The following DPYD variants were observed in gnomAD, a reference collection of about 807,000 sequenced individuals.
The protein encoded by DPYD is dihydropyrimidine dehydrogenase.
Under a neutral mutation model 116.2 loss-of-function variants are expected in DPYD, and 109 were observed. That is an observed-to-expected ratio of 0.94 (90% CI 0.80 to 1.10). The LOEUF (loss-of-function observed/expected upper bound fraction) is 1.10, where lower values mean the gene tolerates loss of function less well. DPYD is among the 50% of genes least tolerant of loss of function. DPYD has a pLI of 0.00. For synonymous variants in DPYD, 440 were observed against 432.0 expected (o/e 1.02, Z -0.23); for missense variants, 1,302 against 1,254.5 (o/e 1.04, Z -0.57).
chr1:97,897,401 A>T (rs1445099299), intron 1 of DPYD, among the ~76,000 whole-genome samples: 1 of 151,842 alleles, frequency 6.6e-6, no homozygotes, highest in Admixed American at 6.6e-5. Flanking sequence ...TCTTCTGCTT[A>T]GGTTTCACTG....
chr1:97,479,215 C>A (rs1678165324), intron 13 of DPYD, among the ~76,000 whole-genome samples: 1 of 152,180 alleles, frequency 6.6e-6, no homozygotes, highest in Non-Finnish European at 1.5e-5. Context: ...GCCTAGATTT[C>A]AGCCCATATC....
intron 13 of DPYD, among the ~76,000 whole-genome samples, chr1:97,514,817 T>C (rs1039160969): frequency 6.6e-6 from 1 of 151,828 alleles, no homozygotes; most frequent in Non-Finnish European, 1.5e-5. Context: ...GTTTTAGCCA[T>C]AATAATGCCA....
chr1:97,790,312 T>A (rs1460471415), intron 3 of DPYD, among the ~76,000 whole-genome samples: 1 of 152,164 alleles, frequency 6.6e-6, no homozygotes, highest in Non-Finnish European at 1.5e-5. Context: ...CTAAAAGAGG[T>A]CACTTTTCTT....
chr1:97,535,867 A>G (rs1305310621), intron 12 of DPYD, among the ~76,000 whole-genome samples: 1 of 152,208 alleles, frequency 6.6e-6, no homozygotes, highest in Non-Finnish European at 1.5e-5. Context: ...TATTAGGAAT[A>G]TAATTGTTAA....
At chr1:97,885,116 G>GT (rs1438489424) in intron 1 of DPYD, among the ~76,000 whole-genome samples, 2 of 151,948 alleles carry the variant, frequency 1.3e-5, no homozygotes, top group African/African-American at 4.8e-5. Context: ...TAGTGGCCAA[G>GT]TAAGAATTTG....
chr1:97,705,722 A>G (rs1302267679), intron 5 of DPYD, among the ~76,000 whole-genome samples: 1 of 152,114 alleles, frequency 6.6e-6, no homozygotes, highest in East Asian at 1.9e-4. Context: ...GACTTCCACA[A>G]TGGTTGAACT....
At chr1:97,579,481 C>T (rs897153607) in intron 10 of DPYD, among the ~76,000 whole-genome samples, 2 of 152,168 alleles carry the variant, frequency 1.3e-5, no homozygotes, top group African/African-American at 4.8e-5. Context: ...AATGGTGTTC[C>T]TCATCAGTTG....
At chr1:97,551,679 C>A (rs1161236647) in intron 11 of DPYD, among the ~76,000 whole-genome samples, 1 of 151,970 alleles carries the variant, frequency 6.6e-6, no homozygotes, top group Admixed American at 6.6e-5. Flanking sequence ...TATGCTTGAG[C>A]AAGGTAGGAA....
chr1:97,753,198 T>C (rs1665032121), intron 3 of DPYD, among the ~76,000 whole-genome samples: 1 of 152,162 alleles, frequency 6.6e-6, no homozygotes, highest in African/African-American at 2.4e-5. Flanking sequence ...CCCAATGAGA[T>C]AGATACTGTT....
intron 14 of DPYD, among the ~76,000 whole-genome samples, chr1:97,448,869 T>C (rs970894941): frequency 1.3e-5 from 2 of 152,106 alleles, no homozygotes; most frequent in African/African-American, 4.8e-5. Flanking sequence ...ATTTGTCCTA[T>C]GTGCATGTAT....
chr1:97,344,235 C>T (rs1669726523), intron 16 of DPYD, among the ~76,000 whole-genome samples: 3 of 151,526 alleles, frequency 2.0e-5, no homozygotes, highest in African/African-American at 7.3e-5. Flanking sequence ...TGCTAGTAAC[C>T]ATTCTAAGGA....
intron 21 of DPYD, among the ~76,000 whole-genome samples, chr1:97,085,850 A>G (rs1173510485): frequency 6.6e-6 from 1 of 152,238 alleles, no homozygotes; most frequent in Non-Finnish European, 1.5e-5. Context: ...AGTATGGTGT[A>G]GCCATCCCTG....
intron 1 of DPYD, among the ~76,000 whole-genome samples, chr1:97,901,423 C>T (rs1673362785): frequency 1.3e-5 from 2 of 151,730 alleles, no homozygotes; most frequent in Admixed American, 1.3e-4. Context: ...ACAATATATA[C>T]CAAACTTCCT....
intron 20 of DPYD, among the ~76,000 whole-genome samples, chr1:97,187,915 T>C (rs887164092): frequency 2.0e-5 from 3 of 152,202 alleles, no homozygotes; most frequent in Non-Finnish European, 4.4e-5. Context: ...TTCTTTATTC[T>C]GTTCCATTGA....
chr1:97,842,761 T>C (rs1439398924), intron 2 of DPYD, among the ~76,000 whole-genome samples: 1 of 152,064 alleles, frequency 6.6e-6, no homozygotes, highest in African/African-American at 2.4e-5. Context: ...TTAAGGTGAA[T>C]TGACACTAGT....
chr1:97,232,003 C>A (rs535906325), intron 19 of DPYD, among the ~76,000 whole-genome samples: 18 of 152,322 alleles, frequency 1.2e-4, no homozygotes, highest in African/African-American at 4.1e-4. Context: ...GAAGACACTG[C>A]TCCATATTCT....
intron 8 of DPYD, among the ~76,000 whole-genome samples, chr1:97,601,505 A>C (rs1418956555): frequency 2.0e-5 from 3 of 152,016 alleles, no homozygotes; most frequent in African/African-American, 7.2e-5. Flanking sequence ...AGAGAAGATA[A>C]GCTATTCCTG....
At chr1:97,718,992 A>G (rs1410749999) in intron 5 of DPYD, among the ~76,000 whole-genome samples, 1 of 151,730 alleles carries the variant, frequency 6.6e-6, no homozygotes, top group African/African-American at 2.4e-5. Context: ...ATAGGATTAA[A>G]ATATTACTAG....
At chr1:97,532,956 C>T (rs1343832408) in intron 12 of DPYD, among the ~76,000 whole-genome samples, 11 of 146,854 alleles carry the variant, frequency 7.5e-5, no homozygotes, top group Non-Finnish European at 1.5e-4. Flanking sequence ...TATTGTTCAT[C>T]GATGTTTAAA....
Sources: gnomAD v4.1 joint callset for allele counts (sites outside exome capture counted in the v4.1 genomes callset) on GRCh38, gnomAD v4.1.1 for gene constraint, MANE v1.5 for transcripts, NCBI Gene and HGNC (gene_info 2026-07-23, HGNC 2026-07-21) for gene names.